The following SLC26A9 variants were observed in gnomAD, a reference collection of about 807,000 sequenced individuals.
SLC26A9 encodes the protein solute carrier family 26 member 9, also known as anion transporter/exchanger protein 9.
In SLC26A9, 46 loss-of-function variants were observed where a neutral mutation model predicts 87.1. The observed-to-expected ratio is 0.53, with a 90% confidence interval of 0.42 to 0.67. SLC26A9 has a LOEUF of 0.67. Among genes scored for constraint, SLC26A9 ranks in the 30% least tolerant of loss-of-function variants. The pLI, the probability that SLC26A9 is intolerant of heterozygous loss-of-function variation, is 0.00. For synonymous variants in SLC26A9, 437 were observed against 409.1 expected, an observed-to-expected ratio of 1.07 and a Z score of -0.82; for missense variants, 927 against 1,018.3, an observed-to-expected ratio of 0.91 and a Z score of 1.22.
At chr1:205,940,484 G>A (rs925032086) in intron 1 of SLC26A9, among the ~76,000 whole-genome samples, 67 of 152,140 alleles carry the variant, frequency 4.4e-4, no homozygotes, top group African/African-American at 1.6e-3. Context: ...ACGGCACCTG[G>A]CCATGGGAAG....
intron 19 of SLC26A9, 54 bp from the exon 20 acceptor site, chr1:205,917,408 T>C (rs1658639509): frequency 1.3e-6 from 2 of 1,582,696 alleles, no homozygotes; most frequent in East Asian, 4.5e-5. Flanking sequence ...ACAGCAAAGT[T>C]GGTGCATGGT....
intron 7 of SLC26A9, 117 bp from the exon 8 acceptor site, chr1:205,929,026 G>A (rs1659196991): frequency 6.8e-7 from 1 of 1,473,428 alleles, no homozygotes; most frequent in Non-Finnish European, 9.4e-7. Context: ...GCCTCCTTAG[G>A]GGGAATTATT....
At chr1:205,933,108 C>T in intron 2 of SLC26A9, 24 bp from the exon 3 acceptor site, 1 of 1,614,096 alleles carries the variant, frequency 6.2e-7, no homozygotes, top group Non-Finnish European at 8.5e-7. Context: ...GGGAAAATTT[C>T]CAGTCGGCTC....
intron 2 of SLC26A9, 25 bp from the exon 3 acceptor site, chr1:205,933,109 C>A (rs1274873768): frequency 6.2e-7 from 1 of 1,614,092 alleles, no homozygotes; most frequent in Admixed American, 1.7e-5. Context: ...GGAAAATTTC[C>A]AGTCGGCTCT....
At chr1:205,924,712 T>A in intron 12 of SLC26A9, 1 of 510,208 alleles carries the variant, frequency 2.0e-6, no homozygotes, top group South Asian at 2.4e-5. Context: ...CTTGTCTGTG[T>A]TTTTAGTAGA....
At chr1:205,917,583 G>A (rs574736850) in intron 19 of SLC26A9, among the ~76,000 whole-genome samples, 2 of 152,120 alleles carry the variant, frequency 1.3e-5, no homozygotes, top group Admixed American at 1.3e-4. Flanking sequence ...TTTGTGGGCC[G>A]TTAGAGGCAG....
intron 5 of SLC26A9, among the ~76,000 whole-genome samples, chr1:205,930,988 G>A (rs1177589705): frequency 2.6e-5 from 4 of 152,106 alleles, no homozygotes; most frequent in Admixed American, 2.6e-4. Flanking sequence ...CTTGTGAATT[G>A]GACCTCTTTC....
At chr1:205,928,136 A>C (rs1659158863) in intron 8 of SLC26A9, 87 bp from the exon 9 acceptor site, 2 of 1,487,510 alleles carry the variant, frequency 1.3e-6, no homozygotes, top group Admixed American at 3.9e-5. Context: ...GGGACCAGCC[A>C]GGCCCCCATG....
intron 1 of SLC26A9, among the ~76,000 whole-genome samples, chr1:205,938,460 T>C (rs1380591467): frequency 1.3e-5 from 2 of 152,118 alleles, no homozygotes; most frequent in African/African-American, 2.4e-5. Context: ...TCTCCCTCAT[T>C]TCCAGGAGGA....
chr1:205,942,363 C>T lies in SLC26A9; in HGVS notation c.-19+1002G>A, dbSNP rs1385217713. Among the ~76,000 whole-genome samples, 3 of 152,060 alleles carry T rather than the reference C, an allele frequency of 2.0e-5. No homozygotes were observed. In the East Asian group the frequency reaches 5.8e-4, roughly 29 times the overall value. Reference sequence around the variant, plus strand: ...CCAGGATGAGGGAGGTGGGGGAGGACTGTGGGGTTCTGAGAAAGGGTCATC... The same window carrying T: ...CCAGGATGAGGGAGGTGGGGGAGGATTGTGGGGTTCTGAGAAAGGGTCATC... On this transcript the variant is annotated intron_variant, in intron 1 of 20. Transcript: ENST00000367135.
In SLC26A9 at chr1:205,931,907, T is replaced by C. The variant is rs759873185; in HGVS notation, c.505A>G (p.Arg169Gly). The C allele has an allele frequency of 1.2e-6, 2 of 1,614,212 alleles. No individual in the cohort carries two copies. Among genetic ancestry groups the C allele is most frequent in the Non-Finnish European group, 1.7e-6 (2 of 1,180,032 alleles). The change falls in exon 5 of 21, where the codon AGG (arginine) becomes GGG (glycine). Residue 169 changes from arginine (R) to glycine (G), a missense_variant. Arg to Gly is a moderately radical substitution (Grantham distance 125). Coordinates refer to ENST00000367135, the MANE Select transcript of SLC26A9 (RefSeq NM_052934.4). Reference protein sequence around the residue: ...YVDTAAMEAERLHVSATLACL... With the variant: ...YVDTAAMEAEGLHVSATLACL... ...GCTAGCGTAGCTGACACGTGCAGCC[T>C]CTCAGCCTCCATGGCTGCTGTGTCC...
At chr1:205,928,191 C>T (rs1659160885) in intron 8 of SLC26A9, 142 bp from the exon 9 acceptor site, 2 of 940,530 alleles carry the variant, frequency 2.1e-6, no homozygotes, top group East Asian at 2.6e-5. Context: ...AGTCTGAATC[C>T]TCAGCACCAC....
At position 205,931,832 on chromosome 1, in the gene SLC26A9, C is replaced by T. The variant is rs370027514; in HGVS notation, c.552+28G>A. The T allele has an allele frequency of 3.6e-5, 58 of 1,602,052 alleles. No individual in the cohort carries two copies. In the South Asian group the frequency reaches 5.5e-4, roughly 15 times the overall value. ...AGGGGCAGGGTGGTCTGATGCCCTT[C>T]TAGCAGGGTTGGGGGCTGCCCCCTC... On this transcript the variant is annotated intron_variant, in intron 5 of 20. Coordinates refer to ENST00000367135, the MANE Select transcript of SLC26A9 (RefSeq NM_052934.4).
chr1:205,939,725 G>T (rs1184400940), intron 1 of SLC26A9, among the ~76,000 whole-genome samples: 11 of 152,112 alleles, frequency 7.2e-5, no homozygotes, highest in African/African-American at 2.4e-4. Flanking sequence ...CTCAGAGAGG[G>T]TGTCTCACGA....
rs1558117070 is a variant in SLC26A9, at chr1:205,915,517, C to CGTGT, written c.2329-114_2329-113insACAC. ...AGGAACCCCTGGCCAGAACAAAGCA[C>CGTGT]CTGTGTGTGTGTGTGTGTGTGTGTG... On this transcript the variant is annotated intron_variant, in intron 20 of 20. Transcript: ENST00000367135. The CGTGT allele has an allele frequency of 2.5e-3, 2,870 of 1,158,690 alleles. 33 individuals carry two copies. In the African/African-American group the frequency reaches 0.05, roughly 20 times the overall value. 71.8% of individuals were successfully genotyped at this position (1,158,690 alleles called of 1,614,324 possible).
intron 1 of SLC26A9, among the ~76,000 whole-genome samples, chr1:205,941,109 G>C (rs1258104746): frequency 6.6e-6 from 1 of 152,188 alleles, no homozygotes. Context: ...TCCATGGCAG[G>C]AGGAGGAAGG....
Position 205,935,739 on chromosome 1 carries a change from C to T in SLC26A9, c.82G>A (p.Asp28Asn). ...TLFDDEFEKKDRTYPVGEKLR... is the reference protein window; with the variant it reads ...TLFDDEFEKKNRTYPVGEKLR... ...TTCTCTCCCACTGGGTATGTCCGGT[C>T]CTTCTTCTCAAACTCATCGTCGAAG... Residue 28 changes from aspartate (D) to asparagine (N), a missense_variant, in exon 2 of 21, where the codon GAC becomes AAC. Physicochemically the swap from Asp to Asn is conservative, Grantham distance 23. Transcript: ENST00000367135. The T allele has an allele frequency of 6.2e-7, 1 of 1,614,076 alleles. No individual in the cohort carries two copies. Among genetic ancestry groups the T allele is most frequent in the Admixed American group, 1.7e-5 (1 of 60,008 alleles).
In SLC26A9 at chr1:205,930,009, G is replaced by A. The variant is rs553567883; in HGVS notation, c.600C>T (p.Ser200=). The A allele has an allele frequency of 9.9e-6, 16 of 1,613,664 alleles. No individual in the cohort carries two copies. The highest frequency in any genetic ancestry group is 6.7e-5 in the Admixed American group (4 of 60,020). ...TCATGAAGCCCCGGATGAAGGACTCGGAGAGGTAGATGGCCACAAAGCCAA... is the reference window on the plus strand; with the variant it reads ...TCATGAAGCCCCGGATGAAGGACTCAGAGAGGTAGATGGCCACAAAGCCAA... ...MQFGFVAIYL[S]ESFIRGFMTA... The change falls in exon 6 of 21, where the codon TCC becomes TCT. Residue 200 remains serine (S), a synonymous_variant. Coordinates refer to ENST00000367135, the MANE Select transcript of SLC26A9 (RefSeq NM_052934.4).
At chr1:205,934,677 C>G (rs917639659) in intron 2 of SLC26A9, among the ~76,000 whole-genome samples, 1 of 152,210 alleles carries the variant, frequency 6.6e-6, no homozygotes, top group African/African-American at 2.4e-5. Context: ...TGCTATATCC[C>G]TTTACAGCTT....
Sources: gnomAD v4.1 joint callset for allele counts (sites outside exome capture counted in the v4.1 genomes callset) on GRCh38, gnomAD v4.1.1 for gene constraint, MANE v1.5 for transcripts, NCBI Gene and HGNC (gene_info 2026-07-23, HGNC 2026-07-21) for gene names.